The following SIGLEC9 variants were observed in gnomAD, a reference collection of about 807,000 sequenced individuals.
SIGLEC9 encodes sialic acid binding Ig like lectin 9.
In SIGLEC9, 26 loss-of-function variants were observed where a neutral mutation model predicts 38.3. The ratio of observed to expected loss-of-function variants is 0.68; its 90% CI spans 0.50 to 0.94. The LOEUF (loss-of-function observed/expected upper bound fraction) is 0.94. Ranked by LOEUF, SIGLEC9 falls within the 40% of genes least tolerant of loss-of-function variation. The pLI is 0.00. For synonymous variants in SIGLEC9, 236 were observed against 248.0 expected, an observed-to-expected ratio of 0.95 and a Z score of 0.45; for missense variants, 556 against 585.7, an observed-to-expected ratio of 0.95 and a Z score of 0.52.
chr19:51,128,339 C>A, intron 5 of SIGLEC9, 75 bp from the exon 6 acceptor site: 1 of 1,523,818 alleles, frequency 6.6e-7, no homozygotes, highest in Non-Finnish European at 9.1e-7. Context: ...TAATAGGAAA[C>A]ACATGGGGGT....
chr19:51,125,313 T>C lies in SIGLEC9; in HGVS notation c.339T>C (p.Asp113=), dbSNP rs1295136833. The C allele has an allele frequency of 1.9e-6, 3 of 1,613,196 alleles. No homozygotes were observed. The highest frequency in any genetic ancestry group is 1.7e-5 in the Admixed American group (1 of 59,906). Residue 113 remains aspartate, a synonymous_variant, in exon 1 of 7, where the codon GAT becomes GAC. Transcript: ENST00000250360. ...GCATCAGAGATGCCAGAAGAAGTGA[T>C]GCGGGGAGATACTTCTTTCGTATGG... ...TLSIRDARRS[D]AGRYFFRMEK... is the part of the protein sequence containing the mutation.
chr19:51,130,279 AT>A lies in SIGLEC9; in HGVS notation c.*207del. ...GAATCCACACTGTGCCCTCCCTTTT[AT>A]TTTTTTAACTAAAAGACAGACAAAT... On this transcript the variant is annotated 3_prime_UTR_variant, in exon 7 of 7. Transcript: ENST00000250360. 3.7e-6 allele frequency: 4 copies of A among 1,081,860 alleles called. No individual in the cohort carries two copies. The highest frequency in any genetic ancestry group is 4.8e-6 in the Non-Finnish European group (4 of 833,878). The allele number at this position is 1,081,860 out of a possible 1,614,324, so 67.0% of individuals were successfully genotyped here.
Position 51,124,959 on chromosome 19 carries a change from A to C in SIGLEC9, c.-16A>C. On this transcript the variant is annotated 5_prime_UTR_variant, in exon 1 of 7. Transcript: ENST00000250360. ...ACAGACGTTCCCTCGCGGCCCTGGC[A>C]CCTCTAACCCCAGACATGCTGCTGC... is the stretch of plus-strand genomic sequence containing the variant. 4 of 1,587,158 alleles carry C rather than the reference A, an allele frequency of 2.5e-6. No individual in the cohort carries two copies. Among genetic ancestry groups the C allele is most frequent in the Non-Finnish European group, 3.4e-6 (4 of 1,165,820 alleles).
downstream of SIGLEC9, among the ~76,000 whole-genome samples, chr19:51,132,646 C>T (rs1043100782): frequency 1.3e-5 from 2 of 152,182 alleles, no homozygotes; most frequent in African/African-American, 4.8e-5. Context: ...ATGCTGCTGC[C>T]GCCGCATCCC....
At position 51,125,701 on chromosome 19, in the gene SIGLEC9, C is replaced by G. The variant is rs377233936; in HGVS notation, c.526C>G (p.Pro176Ala). The G allele has an allele frequency of 3.1e-6, 5 of 1,613,926 alleles. No individual in the cohort carries two copies. The highest frequency in any genetic ancestry group is 1.1e-5 in the South Asian group (1 of 91,088). The part of the protein sequence containing the change: ...VPWACEQGTP[P>A]MISWIGTSVS... ...CTGGGCCTGTGAGCAGGGGACACCC[C>G]CTATGATCTCCTGGATAGGGACCTC... is the stretch of plus-strand genomic sequence containing the variant. The change falls in exon 2 of 7, where the codon CCT (proline) becomes GCT (alanine). Residue 176 changes from proline (P) to alanine (A), a missense_variant. By Grantham distance (27) the Pro-to-Ala change is conservative. Coordinates refer to ENST00000250360, the MANE Select transcript of SIGLEC9 (RefSeq NM_014441.3).
At position 51,130,286 on chromosome 19, in the gene SIGLEC9, T is replaced by C. The variant is rs2092008560; in HGVS notation, c.*207T>C. 9.7e-7 allele frequency: 1 copy of C among 1,028,028 alleles called. No individual in the cohort carries two copies. Among genetic ancestry groups the C allele is most frequent in the South Asian group, 2.7e-5 (1 of 36,606 alleles). The allele number at this position is 1,028,028 out of a possible 1,614,324, so 63.7% of individuals were successfully genotyped here. A position where few individuals can be genotyped will look rare whatever the true frequency, so the allele number is the denominator to read the frequency against. On this transcript the variant is annotated 3_prime_UTR_variant, in exon 7 of 7. Transcript: ENST00000250360. Reference sequence around the variant, plus strand: ...CACTGTGCCCTCCCTTTTATTTTTTTAACTAAAAGACAGACAAATTCCTAC... The same window carrying C: ...CACTGTGCCCTCCCTTTTATTTTTTCAACTAAAAGACAGACAAATTCCTAC...
At chr19:51,134,807 C>T (rs1018825240), downstream of SIGLEC9, among the ~76,000 whole-genome samples, 5 of 152,116 alleles carry the variant, frequency 3.3e-5, no homozygotes, top group Admixed American at 6.6e-5. Context: ...TCTAATTCCT[C>T]TAGGTGTAAT....
Position 51,127,157 on chromosome 19 carries a change from G to T in SIGLEC9, c.876G>T (p.Leu292=). 1 of 1,614,260 alleles carries T rather than the reference G, an allele frequency of 6.2e-7. No individual in the cohort carries two copies. Among genetic ancestry groups the T allele is most frequent in the Non-Finnish European group, 8.5e-7 (1 of 1,180,050 alleles). The change falls in exon 4 of 7, where the codon CTG becomes CTT. Residue 292 remains leucine (L), a synonymous_variant. Transcript: ENST00000250360. ...PARLSLSWRG[L]TLCPSQPSNP... ...GGCTGAGCCTGAGCTGGAGAGGCCT[G>T]ACCCTGTGCCCCTCACAGCCCTCAA...
upstream of SIGLEC9, among the ~76,000 whole-genome samples, chr19:51,122,164 G>A (rs556759305): frequency 9.5e-4 from 145 of 152,130 alleles, 1 homozygote; most frequent in Admixed American, 3.9e-4. The surrounding 1 kb of genome is among the most constrained non-coding windows in gnomAD (Gnocchi z 4.1). Context: ...CACATCCCTC[G>A]TCCTTCACTT....
chr19:51,125,943 G>A lies in SIGLEC9; in HGVS notation c.700+68G>A, dbSNP rs1377248676. On this transcript the variant is annotated intron_variant, in intron 2 of 6. Coordinates refer to ENST00000250360, the MANE Select transcript of SIGLEC9 (RefSeq NM_014441.3). ...CGTCAAGCCTGGACACTGGGTGCTG[G>A]GTCCCGGAATCTGGGCTGGTGGTGG... is the stretch of plus-strand genomic sequence containing the variant. 2.5e-6 allele frequency: 4 copies of A among 1,602,262 alleles called. No individual in the cohort carries two copies. The African/African-American group carries it at 4.0e-5, about 16-fold the overall frequency.
In SIGLEC9 at chr19:51,128,580, A is replaced by C. The variant is rs1463000324; in HGVS notation, c.1203+70A>C. 4.2e-6 allele frequency: 6 copies of C among 1,420,212 alleles called. No individual in the cohort carries two copies. The East Asian group carries it at 1.1e-4, about 27-fold the overall frequency. The allele number at this position is 1,420,212 out of a possible 1,614,324, so 88.0% of individuals were successfully genotyped here. A position where few individuals can be genotyped will look rare whatever the true frequency, so the allele number is the denominator to read the frequency against. ...CTCCCACAGGATGACCCCCAGGACT[A>C]ATCAGCTGGGCGTAGCCAAAGTTAC... On this transcript the variant is annotated intron_variant, in intron 6 of 6. Coordinates refer to ENST00000250360, the MANE Select transcript of SIGLEC9 (RefSeq NM_014441.3).
At chr19:51,135,235 G>C (rs1032719726), downstream of SIGLEC9, among the ~76,000 whole-genome samples, 1 of 152,088 alleles carries the variant, frequency 6.6e-6, no homozygotes, top group Admixed American at 6.5e-5. Flanking sequence ...TCTGTGTTTG[G>C]CACTCACTTA....
downstream of SIGLEC9, among the ~76,000 whole-genome samples, chr19:51,132,783 A>G (rs2092023879): frequency 6.6e-6 from 1 of 152,202 alleles, no homozygotes; most frequent in African/African-American, 2.4e-5. Flanking sequence ...ATGAACTAAG[A>G]TAACACGGAA....
At chr19:51,127,432 T>C in intron 4 of SIGLEC9, 136 bp downstream of exon 4, 1 of 966,996 alleles carries the variant, frequency 1.0e-6, no homozygotes, top group Middle Eastern at 3.3e-4. Flanking sequence ...GGAACTTCCC[T>C]GGGACCCACA....
chr19:51,135,916 A>G lies in SIGLEC9; in HGVS notation c.1204-46A>G, dbSNP rs1021490777. 7.2e-6 allele frequency: 5 copies of G among 695,152 alleles called. No individual in the cohort carries two copies. In the African/African-American group the frequency reaches 8.8e-5, roughly 12 times the overall value. 43.1% of individuals were successfully genotyped at this position (695,152 alleles called of 1,614,324 possible). A position where few individuals can be genotyped will look rare whatever the true frequency, so the allele number is the denominator to read the frequency against. On this transcript the variant is annotated intron_variant, in intron 6 of 6. Coordinates refer to the SIGLEC9 transcript ENST00000440804. ...AAATTTTTGCAGTTTTTCAGCTCTA[A>G]CAGATCAGTTTGATTCTCTCTTAAA...
intron 3 of SIGLEC9, 67 bp from the exon 4 acceptor site, chr19:51,126,963 C>G: frequency 1.4e-6 from 2 of 1,463,894 alleles, no homozygotes; most frequent in African/African-American, 1.4e-5. Flanking sequence ...TCATCAGTCT[C>G]TTTCTGTATC....
At chr19:51,136,098 A>G in exon 7 of SIGLEC9, 1 of 703,906 alleles carries the variant, frequency 1.4e-6, no homozygotes, top group Non-Finnish European at 2.6e-6. Flanking sequence ...CTCATTAAGA[A>G]CATTGCTGGG....
At position 51,128,453 on chromosome 19, in the gene SIGLEC9, G is replaced by C. The variant is rs867190; in HGVS notation, c.1146G>C (p.Ala382=). The part of the protein sequence containing the change: ...SCRKKSARPA[A]GVGDTGIEDA... ...GGAAGAAATCGGCAAGGCCAGCAGC[G>C]GGCGTGGGAGATACGGGCATAGAGG... The change falls in exon 6 of 7, where the codon GCG becomes GCC. Residue 382 remains alanine (A), a synonymous_variant. Transcript: ENST00000250360. 1 of 1,614,050 alleles carries C rather than the reference G, an allele frequency of 6.2e-7. No individual in the cohort carries two copies. Among genetic ancestry groups the C allele is most frequent in the South Asian group, 1.1e-5 (1 of 91,082 alleles).
chr19:51,129,171 G>GTTGTTTTTTTTTTTTTTT (rs1555796366), intron 6 of SIGLEC9, among the ~76,000 whole-genome samples: 5 of 138,990 alleles, frequency 3.6e-5, no homozygotes, highest in African/African-American at 1.5e-4. Context: ...TGTTGTTGTT[G>GTTGTTTTTTTTTTTTTTT]TTTTTGAGAC....
Sources: allele counts gnomAD v4.1 joint callset (sites outside exome capture counted in the v4.1 genomes callset), GRCh38; gene constraint gnomAD v4.1.1; non-coding constraint Gnocchi (gnomAD v3.1); transcripts MANE v1.5; gene names NCBI Gene and HGNC (gene_info 2026-07-23, HGNC 2026-07-21).